The following CHFR variants were observed in gnomAD, a reference collection of about 807,000 sequenced individuals.
CHFR encodes the protein E3 ubiquitin-protein ligase CHFR.
Under a neutral mutation model 87.6 loss-of-function variants are expected in CHFR, and 57 were observed. The observed-to-expected ratio is 0.65, with a 90% CI of 0.53 to 0.81. The LOEUF (loss-of-function observed/expected upper bound fraction) is 0.81. CHFR is among the 30% of genes least tolerant of loss of function. The pLI, the probability that CHFR is intolerant of heterozygous loss-of-function variation, is 0.00. For missense variants in CHFR, 797 were observed against 865.8 expected (o/e 0.92, Z 1.00); for synonymous variants, 381 against 359.2 (o/e 1.06, Z -0.69).
chr12:132,857,438 T>A lies in CHFR; in HGVS notation c.1033A>T (p.Asn345Tyr). The A allele has an allele frequency of 1.2e-6, 2 of 1,614,106 alleles. No individual in the cohort carries two copies. The highest frequency in any genetic ancestry group is 1.7e-6 in the Non-Finnish European group (2 of 1,179,996). Residue 345 changes from asparagine (N) to tyrosine (Y), a missense_variant, in exon 9 of 18, where the codon AAC (asparagine) becomes TAC (tyrosine). Asn to Tyr is a moderately radical substitution (Grantham distance 143). Coordinates refer to ENST00000450056, the MANE Select transcript of CHFR (RefSeq NM_001161346.2). ...TGGATGAGGTATGCTTCCACGAGGTTGTTGAGGATGTGGTTTTTACAGATC... is the reference window on the plus strand; with the variant it reads ...TGGATGAGGTATGCTTCCACGAGGTAGTTGAGGATGTGGTTTTTACAGATC... The part of the protein sequence containing the change: ...ERICKNHILN[N>Y]LVEAYLIQHP...
chr12:132,848,063 C>A, intron 14 of CHFR, 22 bp downstream of exon 14: 1 of 1,613,926 alleles, frequency 6.2e-7, no homozygotes, highest in Middle Eastern at 1.7e-4. Context: ...TCCCGGCTCC[C>A]CAGCCCGCAG....
Position 132,836,854 on chromosome 12 carries a change from T to A in CHFR, c.*4700A>T. 2.3e-6 allele frequency: 1 copy of A among 436,428 alleles called. No homozygotes were observed. Among genetic ancestry groups the A allele is most frequent in the Non-Finnish European group, 4.6e-6 (1 of 217,082 alleles). 27.0% of individuals were successfully genotyped at this position (436,428 alleles called of 1,614,324 possible). ...AGCCAACTGGTCAGTGATCAGTAGA[T>A]GCTGCCCTGGGGCCAAACATTTCAG... On this transcript the variant is annotated 3_prime_UTR_variant, in exon 18 of 18. Transcript: ENST00000450056.
chr12:132,858,920 C>A, intron 8 of CHFR, 148 bp downstream of exon 8: 1 of 724,174 alleles, frequency 1.4e-6, no homozygotes, highest in Non-Finnish European at 2.2e-6. Context: ...TCCACCCACT[C>A]CACCCACTTA....
At chr12:132,857,723 G>A (rs1273742056) in intron 8 of CHFR, among the ~76,000 whole-genome samples, 164 bp from the exon 9 acceptor site, 1 of 152,108 alleles carries the variant, frequency 6.6e-6, no homozygotes, top group Non-Finnish European at 1.5e-5. Context: ...AGAAATCAGA[G>A]GCCACACGGC....
chr12:132,842,563 C>G (rs1256462905), intron 17 of CHFR, among the ~76,000 whole-genome samples: 1 of 152,224 alleles, frequency 6.6e-6, no homozygotes, highest in Non-Finnish European at 1.5e-5. Flanking sequence ...CTACGCCTCC[C>G]AGGGCAATGC....
At position 132,843,409 on chromosome 12, in the gene CHFR, G is replaced by A. The variant is rs142955557; in HGVS notation, c.1844-326C>T. On this transcript the variant is annotated intron_variant, in intron 16 of 17. Coordinates refer to ENST00000450056, the MANE Select transcript of CHFR (RefSeq NM_001161346.2). ...CCACTGCACTTCAGCCTGGGCGACA[G>A]AGTCAGACTCTGTCTCAAAAATAAA... is the stretch of plus-strand genomic sequence containing the variant. 5.2e-3 allele frequency among the ~76,000 whole-genome samples: 783 copies of A among 151,800 alleles called. 7 individuals are homozygous for A. Among genetic ancestry groups the A allele is most frequent in the African/African-American group, 0.018 (756 of 41,412 alleles).
At position 132,857,442 on chromosome 12, in the gene CHFR, G is replaced by A; in HGVS notation, c.1029C>T (p.Leu343=). ...PVERICKNHI[L]NNLVEAYLIQ... ...TGAGGTATGCTTCCACGAGGTTGTT[G>A]AGGATGTGGTTTTTACAGATCCGCT... The change falls in exon 9 of 18, where the codon CTC becomes CTT. Residue 343 remains leucine (L), a synonymous_variant. Coordinates refer to ENST00000450056, the MANE Select transcript of CHFR (RefSeq NM_001161346.2). 6.2e-7 allele frequency: 1 copy of A among 1,614,220 alleles called. No homozygotes were observed. Among genetic ancestry groups the A allele is most frequent in the South Asian group, 1.1e-5 (1 of 91,092 alleles).
Position 132,851,767 on chromosome 12 carries a change from C to T in CHFR, c.1373-30G>A, listed in dbSNP as rs372554759. 8.1e-5 allele frequency: 130 copies of T among 1,595,190 alleles called. 2 individuals are homozygous for T. In the South Asian group the frequency reaches 8.9e-4, roughly 11 times the overall value. ...AGCACACGCACATTCAGCCGGAGCA[C>T]GTGGGACCCAGGGCAGAAAGACAGC... On this transcript the variant is annotated intron_variant, in intron 11 of 17. Transcript: ENST00000450056.
chr12:132,862,152 G>A (rs1478761038), intron 6 of CHFR, among the ~76,000 whole-genome samples: 1 of 152,118 alleles, frequency 6.6e-6, no homozygotes, highest in Non-Finnish European at 1.5e-5. Context: ...GCGAGTGCAT[G>A]TAGTCCCAGC....
In CHFR at chr12:132,836,653, G is replaced by A. The variant is rs1039880040; in HGVS notation, c.*4901C>T. 9 of 455,936 alleles carry A rather than the reference G, an allele frequency of 2.0e-5. No homozygotes were observed. Among genetic ancestry groups the A allele is most frequent in the Middle Eastern group, 3.2e-4 (1 of 3,092 alleles). The allele number at this position is 455,936 out of a possible 1,614,324, so 28.2% of individuals were successfully genotyped here. On this transcript the variant is annotated 3_prime_UTR_variant, in exon 18 of 18. Transcript: ENST00000450056. ...GTCCATTCCTTCCACAGACATGCAC[G>A]ACCAAGTGTCTGCTCTGTGTGAGGA...
chr12:132,880,808 T>C (rs1006437445), intron 2 of CHFR, among the ~76,000 whole-genome samples: 1 of 142,478 alleles, frequency 7.0e-6, no homozygotes, highest in Non-Finnish European at 1.5e-5. Flanking sequence ...CTACTAAAAA[T>C]ACAAAACTTA....
chr12:132,885,152 G>A (rs1212845354), intron 2 of CHFR, among the ~76,000 whole-genome samples: 2 of 151,864 alleles, frequency 1.3e-5, no homozygotes, highest in Non-Finnish European at 2.9e-5. Context: ...GCTCACGCCT[G>A]TAATCCCAGC....
chr12:132,881,027 G>T (rs1384370001), intron 2 of CHFR, among the ~76,000 whole-genome samples: 1 of 152,052 alleles, frequency 6.6e-6, no homozygotes, highest in Non-Finnish European at 1.5e-5. Flanking sequence ...ATCACTTTGG[G>T]TGGCCAAGGC....
At chr12:132,875,648 C>G (rs923815663) in intron 3 of CHFR, among the ~76,000 whole-genome samples, 5 of 152,116 alleles carry the variant, frequency 3.3e-5, no homozygotes, top group African/African-American at 9.7e-5. Flanking sequence ...AAGGAATAGG[C>G]ACATTCTGAG....
chr12:132,832,421 T>A lies in CHFR; in HGVS notation c.*9133A>T, dbSNP rs1297910724. Reference sequence around the variant, plus strand: ...GTATTCCATAGCACAGGAGGGTGAATATAGTTAATAATAATGTATTGTATA... The same window carrying A: ...GTATTCCATAGCACAGGAGGGTGAAAATAGTTAATAATAATGTATTGTATA... On this transcript the variant is annotated 3_prime_UTR_variant, in exon 18 of 18. Coordinates refer to ENST00000450056, the MANE Select transcript of CHFR (RefSeq NM_001161346.2). 3 of 152,070 alleles carry A rather than the reference T, an allele frequency of 2.0e-5. No homozygotes were observed. Among genetic ancestry groups the A allele is most frequent in the Admixed American group, 6.6e-5 (1 of 15,264 alleles). The allele number at this position is 152,070 out of a possible 1,614,324, so 9.4% of individuals were successfully genotyped here. A position where few individuals can be genotyped will look rare whatever the true frequency, so the allele number is the denominator to read the frequency against.
chr12:132,832,691 A>G lies in CHFR; in HGVS notation c.*8863T>C, dbSNP rs1383784979. 1.3e-5 allele frequency: 2 copies of G among 152,262 alleles called. No homozygotes were observed. Among genetic ancestry groups the G allele is most frequent in the Non-Finnish European group, 2.9e-5 (2 of 68,044 alleles). 9.4% of individuals were successfully genotyped at this position (152,262 alleles called of 1,614,324 possible). On this transcript the variant is annotated 3_prime_UTR_variant, in exon 18 of 18. Transcript: ENST00000450056. The stretch of plus-strand genomic sequence containing the variant: ...AAATACAGTTAGAAACAATGAATCT[A>G]ATCATATACTAAGTTGATGGCACAG...
In CHFR at chr12:132,833,375, C is replaced by G. The variant is rs1358840481; in HGVS notation, c.*8179G>C. 6.6e-6 allele frequency: 1 copy of G among 152,224 alleles called. No individual in the cohort carries two copies. Among genetic ancestry groups the G allele is most frequent in the African/African-American group, 2.4e-5 (1 of 41,450 alleles). 9.4% of individuals were successfully genotyped at this position (152,224 alleles called of 1,614,324 possible). On this transcript the variant is annotated 3_prime_UTR_variant, in exon 18 of 18. Coordinates refer to ENST00000450056, the MANE Select transcript of CHFR (RefSeq NM_001161346.2). ...GCACTGTCCCAAATCCCTGCTCTTA[C>G]AGAAGGTATATTCTAGTGGGGACCA...
At chr12:132,870,892 C>A in intron 4 of CHFR, 109 bp from the exon 5 acceptor site, 1 of 628,498 alleles carries the variant, frequency 1.6e-6, no homozygotes, top group South Asian at 2.1e-5. Flanking sequence ...TATTTTGACT[C>A]ATCAGCTAAT....
chr12:132,843,213 A>G, intron 16 of CHFR, 130 bp from the exon 17 acceptor site: 1 of 797,290 alleles, frequency 1.3e-6, no homozygotes, highest in Non-Finnish European at 2.1e-6. Flanking sequence ...CTCCATAACT[A>G]GTTTCCTCGG....
Sources: allele counts gnomAD v4.1 joint callset (sites outside exome capture counted in the v4.1 genomes callset), GRCh38; gene constraint gnomAD v4.1.1; transcripts MANE v1.5; gene names NCBI Gene and HGNC (gene_info 2026-07-23, HGNC 2026-07-21).